Variants in NTM observed in about 807,000 individuals in gnomAD.
The protein encoded by NTM is neurotrimin, also known as IgLON family member 2.
In NTM, 13 loss-of-function variants were observed where a neutral mutation model predicts 42.1. The observed-to-expected ratio is 0.31, with a 90% CI of 0.20 to 0.49. The LOEUF is 0.49. Among genes scored for constraint, NTM ranks in the 20% least tolerant of loss-of-function variants. The pLI, the probability that NTM is intolerant of heterozygous loss-of-function variation, is 0.99. For synonymous variants in NTM, 187 were observed against 179.2 expected, an observed-to-expected ratio of 1.04 and a Z score of -0.35; for missense variants, 373 against 452.8, an observed-to-expected ratio of 0.82 and a Z score of 1.60.
intron 1 of NTM, among the ~76,000 whole-genome samples, chr11:131,423,766 C>T (rs1005001726): frequency 1.3e-5 from 2 of 152,304 alleles, no homozygotes; most frequent in African/African-American, 4.8e-5. Flanking sequence ...TCCAAACTGA[C>T]TTGCAGGTAA....
intron 1 of NTM, among the ~76,000 whole-genome samples, chr11:131,906,847 G>T (rs999526681): frequency 1.3e-5 from 2 of 151,882 alleles, no homozygotes; most frequent in African/African-American, 4.8e-5. Context: ...TTTTCAAGTT[G>T]CACCTTTGCT....
intron 2 of NTM, among the ~76,000 whole-genome samples, chr11:132,134,892 C>A (rs1295562287): frequency 6.6e-6 from 1 of 151,508 alleles, no homozygotes; most frequent in Admixed American, 6.6e-5. Flanking sequence ...GACTTCTTTT[C>A]CTCCTGGTAG....
intron 2 of NTM, among the ~76,000 whole-genome samples, chr11:132,061,426 G>A (rs2080656097): frequency 6.6e-6 from 1 of 152,172 alleles, no homozygotes; most frequent in Non-Finnish European, 1.5e-5. Flanking sequence ...TAGGTTTCTT[G>A]TGAAGAAGGG....
intron 1 of NTM, among the ~76,000 whole-genome samples, chr11:131,644,150 T>C (rs185497042): frequency 1.3e-5 from 2 of 152,280 alleles, no homozygotes; most frequent in Non-Finnish European, 1.5e-5. Context: ...TCCCTTCATC[T>C]TCAGCTTCCC....
At chr11:131,391,702 AGAGGG>A (rs1431026471) in intron 1 of NTM, among the ~76,000 whole-genome samples, 1 of 146,124 alleles carries the variant, frequency 6.8e-6, no homozygotes, top group Non-Finnish European at 1.5e-5. Flanking sequence ...GTGCGGGAGG[AGAGGG>A]TCGGGAGACA....
intron 4 of NTM, 94 bp downstream of exon 4, chr11:132,212,241 A>T (rs2082975941): frequency 1.1e-5 from 11 of 991,536 alleles, no homozygotes; most frequent in Non-Finnish European, 1.7e-5. Flanking sequence ...CCTACTCCAG[A>T]GGAGTCTACG....
chr11:131,556,043 T>A (rs1286652904), intron 1 of NTM, among the ~76,000 whole-genome samples: 1 of 152,148 alleles, frequency 6.6e-6, no homozygotes, highest in Admixed American at 6.5e-5. Context: ...AAAATGATAG[T>A]TTCATATCTT....
chr11:131,955,366 G>A (rs1455773231), intron 2 of NTM, among the ~76,000 whole-genome samples: 4 of 152,110 alleles, frequency 2.6e-5, no homozygotes, highest in Admixed American at 2.0e-4. Context: ...CTATTACCTA[G>A]ACACATGGAT....
At chr11:131,760,344 T>A (rs1036636141) in intron 1 of NTM, among the ~76,000 whole-genome samples, 2 of 152,226 alleles carry the variant, frequency 1.3e-5, no homozygotes, top group South Asian at 2.1e-4. Flanking sequence ...CACTGAGTAT[T>A]AAAAATGATG....
At chr11:131,390,650 A>G (rs1344427941) in intron 1 of NTM, among the ~76,000 whole-genome samples, 1 of 152,140 alleles carries the variant, frequency 6.6e-6, no homozygotes, top group Non-Finnish European at 1.5e-5. Context: ...CAGGCCTGGG[A>G]AACAGTGGTA....
intron 1 of NTM, among the ~76,000 whole-genome samples, chr11:131,771,938 T>A (rs1443505155): frequency 1.3e-5 from 2 of 152,170 alleles, no homozygotes; most frequent in African/African-American, 2.4e-5. Context: ...TTCCCAGGAT[T>A]TTTTCCCCTT....
At chr11:131,790,782 T>G (rs895549402) in intron 1 of NTM, among the ~76,000 whole-genome samples, 2 of 152,184 alleles carry the variant, frequency 1.3e-5, no homozygotes, top group Admixed American at 1.3e-4. Flanking sequence ...ATTTCAGCAG[T>G]TACTAGCATC....
At chr11:131,545,784 G>T (rs1013162991) in intron 1 of NTM, among the ~76,000 whole-genome samples, 1 of 152,096 alleles carries the variant, frequency 6.6e-6, no homozygotes, top group African/African-American at 2.4e-5. Context: ...AGTTGAAGGT[G>T]TCGTCAAGTA....
At chr11:131,557,055 C>CTTTTTTTTTTTTTT (rs970811707) in intron 1 of NTM, among the ~76,000 whole-genome samples, 2 of 151,944 alleles carry the variant, frequency 1.3e-5, no homozygotes, top group African/African-American at 4.8e-5. Context: ...TGATTTGTAA[C>CTTTTTTTTTTTTTT]TTTTTTTCTT....
At chr11:131,621,093 G>A (rs778852706) in intron 1 of NTM, among the ~76,000 whole-genome samples, 5 of 152,158 alleles carry the variant, frequency 3.3e-5, no homozygotes, top group Non-Finnish European at 7.3e-5. Flanking sequence ...AGAATTCAGG[G>A]TTAATTGAGC....
At chr11:131,507,908 G>A (rs997236926) in intron 1 of NTM, among the ~76,000 whole-genome samples, 2 of 152,144 alleles carry the variant, frequency 1.3e-5, no homozygotes, top group Non-Finnish European at 2.9e-5. Flanking sequence ...CATTGATTTT[G>A]TTAGACCTAA....
At chr11:131,928,021 A>G (rs2058148868) in intron 2 of NTM, among the ~76,000 whole-genome samples, 1 of 152,024 alleles carries the variant, frequency 6.6e-6, no homozygotes, top group Admixed American at 6.6e-5. Flanking sequence ...TTATTAACCT[A>G]ATCTCTCTGA....
At chr11:131,728,851 G>A (rs1434011909) in intron 1 of NTM, among the ~76,000 whole-genome samples, 1 of 152,076 alleles carries the variant, frequency 6.6e-6, no homozygotes, top group Non-Finnish European at 1.5e-5. Context: ...AAGCTACTTA[G>A]GGACTTCCAA....
Position 131,460,366 on chromosome 11 carries a change from C to T in NTM, c.82+89478C>T, listed in dbSNP as rs56672987. On this transcript the variant is annotated intron_variant, in intron 1 of 8. Coordinates refer to ENST00000683400, the MANE Select transcript of NTM (RefSeq NM_001352005.2). ...ATCAATAAATGAAGTAATAGGATTACAGATTTTGGCTTAGTATACAAGTAA... is the reference window on the plus strand; with the variant it reads ...ATCAATAAATGAAGTAATAGGATTATAGATTTTGGCTTAGTATACAAGTAA... 7.8e-3 allele frequency among the ~76,000 whole-genome samples: 1,185 copies of T among 152,284 alleles called. 23 individuals are homozygous for T. Among genetic ancestry groups the T allele is most frequent in the African/African-American group, 0.026 (1,085 of 41,552 alleles).
Sources: gnomAD v4.1 joint callset for allele counts (sites outside exome capture counted in the v4.1 genomes callset) on GRCh38, gnomAD v4.1.1 for gene constraint, MANE v1.5 for transcripts, NCBI Gene and HGNC (gene_info 2026-07-23, HGNC 2026-07-21) for gene names.